GPBP1L1: variants seen among roughly 807,000 people sequenced by gnomAD.
GPBP1L1 encodes vasculin-like protein 1.
GPBP1L1 carries 23 observed loss-of-function variants against 52.5 expected under a neutral mutation model. That is an observed-to-expected ratio of 0.44 (90% confidence interval 0.32 to 0.62). The LOEUF is 0.62. Ranked by LOEUF, GPBP1L1 falls within the 20% of genes least tolerant of loss-of-function variation. GPBP1L1 has a pLI of 0.06. For synonymous variants in GPBP1L1, 243 were observed against 203.1 expected (o/e 1.20, Z -1.67); for missense variants, 596 against 579.3 (o/e 1.03, Z -0.30).
rs772351773 is a variant in GPBP1L1, at chr1:45,673,704, A to G, written c.-1098+11872T>C. On this transcript the variant is annotated intron_variant, in intron 2 of 12. Transcript: ENST00000355105. ...GTGAAACCCCATCTCTACTAAAAAT[A>G]CAAAAAAATTAGCCAGGCGTAATGG... 1.1e-4 allele frequency among the ~76,000 whole-genome samples: 16 copies of G among 152,162 alleles called. 1 individual carries two copies. Among genetic ancestry groups the G allele is most frequent in the Non-Finnish European group, 2.2e-4 (15 of 68,034 alleles).
intron 2 of GPBP1L1, among the ~76,000 whole-genome samples, chr1:45,683,751 CAAAAAAAAA>C (rs55857116): frequency 3.0e-4 from 28 of 93,132 alleles, no homozygotes; most frequent in African/African-American, 1.2e-3. Flanking sequence ...TAATAAAATA[CAAAAAAAAA>C]AAAAAAAAAA....
intron 10 of GPBP1L1, among the ~76,000 whole-genome samples, chr1:45,632,948 G>A (rs1354453247): frequency 2.0e-5 from 3 of 152,178 alleles, no homozygotes; most frequent in African/African-American, 7.2e-5. Context: ...ATGTCATCAT[G>A]GAAGTGCAAA....
chr1:45,630,123 G>T (rs896561217), intron 11 of GPBP1L1, among the ~76,000 whole-genome samples: 1 of 152,126 alleles, frequency 6.6e-6, no homozygotes, highest in African/African-American at 2.4e-5. Flanking sequence ...GCTACTTTTT[G>T]TATTTTTGGT....
intron 7 of GPBP1L1, among the ~76,000 whole-genome samples, chr1:45,641,413 A>T (rs1644670404): frequency 6.6e-6 from 1 of 152,004 alleles, no homozygotes; most frequent in East Asian, 1.9e-4. Flanking sequence ...AAACAAAACA[A>T]AACAAAACAA....
intron 6 of GPBP1L1, chr1:45,651,258 C>A: frequency 2.5e-6 from 1 of 407,526 alleles, no homozygotes; most frequent in African/African-American, 2.1e-5. Context: ...AGTAGACATC[C>A]CACTCTTGAC....
At position 45,660,902 on chromosome 1, in the gene GPBP1L1, C is replaced by T. The variant is rs1405887672; in HGVS notation, c.-774G>A. 6.6e-6 allele frequency: 1 copy of T among 152,136 alleles called. No individual in the cohort carries two copies. Among genetic ancestry groups the T allele is most frequent in the African/African-American group, 2.4e-5 (1 of 41,418 alleles). The allele number at this position is 152,136 out of a possible 1,614,324, so 9.4% of individuals were successfully genotyped here. On this transcript the variant is annotated 5_prime_UTR_variant, in exon 3 of 13. Coordinates refer to ENST00000355105, the MANE Select transcript of GPBP1L1 (RefSeq NM_021639.5). ...CCTCCACGAACAGCAGCTTTCAAGG[C>T]AAATTTCTTGGTATAAAGCTACTAA... is the stretch of plus-strand genomic sequence containing the variant.
At chr1:45,658,840 G>A in intron 4 of GPBP1L1, 188 bp downstream of exon 4, 2 of 557,334 alleles carry the variant, frequency 3.6e-6, no homozygotes, top group East Asian at 6.1e-5. Context: ...TACTCTGGGA[G>A]CTGAGTCAGG....
chr1:45,629,510 G>C (rs1025491992), intron 12 of GPBP1L1, 66 bp downstream of exon 12: 1 of 482,778 alleles, frequency 2.1e-6, no homozygotes. Context: ...CTCAGGGCAA[G>C]AACTGTCTTG....
Position 45,654,741 on chromosome 1 carries a change from T to G in GPBP1L1, c.279A>C (p.Pro93=), listed in dbSNP as rs762169342. Reference sequence around the variant, plus strand: ...CTCGGGAAGAGCTATGCCAACCAGATGGGTTCCCTGTGATTCCAGCATATG... The same window carrying G: ...CTCGGGAAGAGCTATGCCAACCAGAGGGGTTCCCTGTGATTCCAGCATATG... ...KGAYAGITGN[P]SGWHSSSRGH... is the part of the protein sequence containing the mutation. Residue 93 remains proline (P), a synonymous_variant, in exon 6 of 13, where the codon CCA becomes CCC. Coordinates refer to ENST00000355105, the MANE Select transcript of GPBP1L1 (RefSeq NM_021639.5). 3 of 1,614,008 alleles carry G rather than the reference T, an allele frequency of 1.9e-6. No homozygotes were observed. Among genetic ancestry groups the G allele is most frequent in the Non-Finnish European group, 2.5e-6 (3 of 1,180,022 alleles).
chr1:45,673,697 T>A (rs1645104065), intron 2 of GPBP1L1, among the ~76,000 whole-genome samples: 1 of 152,002 alleles, frequency 6.6e-6, no homozygotes, highest in Non-Finnish European at 1.5e-5. Flanking sequence ...CCATCTCTAC[T>A]AAAAATACAA....
chr1:45,683,447 C>T (rs1569901824), intron 2 of GPBP1L1, among the ~76,000 whole-genome samples: 3 of 150,926 alleles, frequency 2.0e-5, no homozygotes, highest in Admixed American at 6.6e-5. Context: ...CCTCGTGATC[C>T]GCCCGCCTCG....
chr1:45,645,472 C>A (rs1644732081), intron 6 of GPBP1L1, among the ~76,000 whole-genome samples: 1 of 152,174 alleles, frequency 6.6e-6, no homozygotes. Context: ...ATATTATGCA[C>A]AAGTTTCAGA....
At chr1:45,654,034 A>C (rs1399805499) in intron 6 of GPBP1L1, among the ~76,000 whole-genome samples, 1 of 152,152 alleles carries the variant, frequency 6.6e-6, no homozygotes, top group Non-Finnish European at 1.5e-5. Flanking sequence ...TATTTAAAAC[A>C]TTTTAAAGAT....
At chr1:45,679,927 T>G (rs1569892840) in intron 2 of GPBP1L1, among the ~76,000 whole-genome samples, 1 of 120,900 alleles carries the variant, frequency 8.3e-6, no homozygotes. Context: ...CCAGGCATGC[T>G]GGCACACACT....
At position 45,655,244 on chromosome 1, in the gene GPBP1L1, G is replaced by T; in HGVS notation, c.136C>A (p.Arg46=). Residue 46 remains arginine, a synonymous_variant, in exon 5 of 13, where the codon CGA becomes AGA. Coordinates refer to ENST00000355105, the MANE Select transcript of GPBP1L1 (RefSeq NM_021639.5). ...GEGRFGVSRR[R]HNSSDGFFNN... Reference sequence around the variant, plus strand: ...AAAAAACCATCAGAGGAATTATGTCGACGGCGGCTTACTCCAAATCTACCT... The same window carrying T: ...AAAAAACCATCAGAGGAATTATGTCTACGGCGGCTTACTCCAAATCTACCT... 5 of 1,614,118 alleles carry T rather than the reference G, an allele frequency of 3.1e-6. No homozygotes were observed. Among genetic ancestry groups the T allele is most frequent in the Non-Finnish European group, 4.2e-6 (5 of 1,180,000 alleles).
intron 8 of GPBP1L1, among the ~76,000 whole-genome samples, chr1:45,639,959 T>C (rs1349225067): frequency 6.6e-6 from 1 of 151,310 alleles, no homozygotes; most frequent in East Asian, 1.9e-4. Flanking sequence ...TTTCAGCTAC[T>C]TGGGAGGCTG....
chr1:45,648,613 T>C (rs1184459631), intron 6 of GPBP1L1, among the ~76,000 whole-genome samples: 2 of 152,248 alleles, frequency 1.3e-5, no homozygotes, highest in Non-Finnish European at 2.9e-5. Context: ...TTTTGGTGGT[T>C]TGTCCCTATC....
At chr1:45,652,794 C>A (rs1333408497) in intron 6 of GPBP1L1, among the ~76,000 whole-genome samples, 2 of 152,006 alleles carry the variant, frequency 1.3e-5, no homozygotes, top group Admixed American at 1.3e-4. Flanking sequence ...AGGTGCACGC[C>A]ACCCATGTCC....
At chr1:45,631,307 G>T (rs1356804045) in intron 10 of GPBP1L1, among the ~76,000 whole-genome samples, 1 of 151,968 alleles carries the variant, frequency 6.6e-6, no homozygotes, top group Non-Finnish European at 1.5e-5. Context: ...CTGTTGCTCA[G>T]GCTGGAGTGC....
Sources: gnomAD v4.1 joint callset for allele counts (sites outside exome capture counted in the v4.1 genomes callset) on GRCh38, gnomAD v4.1.1 for gene constraint, MANE v1.5 for transcripts, NCBI Gene and HGNC (gene_info 2026-07-23, HGNC 2026-07-21) for gene names.